Variants in NBPF3 observed in about 807,000 individuals in gnomAD.
NBPF3 encodes the protein NBPF family member NBPF3.
In NBPF3, 57 loss-of-function variants were observed where a neutral mutation model predicts 78.1. The observed-to-expected ratio is 0.73, with a 90% CI of 0.59 to 0.91. The LOEUF is 0.91. Among genes scored for constraint, NBPF3 ranks in the 40% least tolerant of loss-of-function variants. The probability of loss-of-function intolerance (pLI) is 0.00; values close to 1 mark genes in which losing one functional copy is unlikely to be tolerated. For missense variants in NBPF3, 510 were observed against 715.3 expected, an observed-to-expected ratio of 0.71 and a Z score of 3.27; for synonymous variants, 182 against 271.7, an observed-to-expected ratio of 0.67 and a Z score of 3.25.
At chr1:21,446,534 GCCTCCCTCCCACCCAC>G (rs1444097009) in intron 2 of NBPF3, 5 of 122,488 alleles carry the variant, frequency 4.1e-5, no homozygotes, top group Middle Eastern at 5.7e-3. Context: ...TTCTTTCCCT[GCCTCCCTCCCACCCAC>G]CCTCCCTCCC....
chr1:21,475,149 C>A (rs1282935085), intron 8 of NBPF3, among the ~76,000 whole-genome samples, 198 bp downstream of exon 8: 1 of 152,176 alleles, frequency 6.6e-6, no homozygotes, highest in Non-Finnish European at 1.5e-5. Context: ...TAGGAACTTG[C>A]AATCAGATGA....
chr1:21,479,820 CTGTGTGTGTG>C (rs59451117), intron 10 of NBPF3, among the ~76,000 whole-genome samples: 6 of 102,808 alleles, frequency 5.8e-5, no homozygotes, highest in East Asian at 3.2e-4. Flanking sequence ...CTCTCTCTCT[CTGTGTGTGTG>C]TGTGTGTGTG....
At chr1:21,436,827 C>A (rs965619336), upstream of NBPF3, 2 of 914,954 alleles carry the variant, frequency 2.2e-6, no homozygotes, top group African/African-American at 1.8e-5. The surrounding 1 kb of genome is among the most constrained non-coding windows in gnomAD (Gnocchi z 4.3). Context: ...GGGGCTTGAG[C>A]GTTCTGGGTG....
intron 2 of NBPF3, among the ~76,000 whole-genome samples, chr1:21,447,066 G>T (rs1641031037): frequency 1.3e-5 from 2 of 152,194 alleles, no homozygotes; most frequent in Non-Finnish European, 2.9e-5. Context: ...CCAAAACCTT[G>T]ATATGGGGCT....
At chr1:21,436,897 G>GT, upstream of NBPF3, 1 of 449,482 alleles carries the variant, frequency 2.2e-6, no homozygotes, top group Non-Finnish European at 3.7e-6. The surrounding 1 kb of genome is among the most constrained non-coding windows in gnomAD (Gnocchi z 4.3). Flanking sequence ...GACGGGTCCG[G>GT]GGAGGTCCGG....
chr1:21,443,730 C>CA, intron 1 of NBPF3, among the ~76,000 whole-genome samples: 1 of 152,156 alleles, frequency 6.6e-6, no homozygotes, highest in African/African-American at 2.4e-5. Context: ...CCTCCCACCT[C>CA]AGCCTCCTTA....
intron 6 of NBPF3, 84 bp downstream of exon 6, chr1:21,472,999 T>C (rs1642686686): frequency 6.0e-6 from 6 of 1,008,110 alleles, no homozygotes; most frequent in South Asian, 1.3e-5. Flanking sequence ...GCATCTATGA[T>C]GGGCCGAAAG....
Position 21,445,184 on chromosome 1 carries a change from G to A in NBPF3, c.98G>A (p.Gly33Asp). 1 of 1,611,886 alleles carries A rather than the reference G, an allele frequency of 6.2e-7. No homozygotes were observed. Among genetic ancestry groups the A allele is most frequent in the South Asian group, 1.1e-5 (1 of 90,974 alleles). The change falls in exon 2 of 15, where the codon GGT (glycine) becomes GAT (aspartate). Residue 33 changes from glycine (G) to aspartate (D), a missense_variant. By Grantham distance (94) the Gly-to-Asp change is moderately conservative. This residue lies in a region of NBPF3 where 440 missense variants were observed against 478.2 expected (regional missense o/e 0.92). Transcript: ENST00000318249. Reference sequence around the variant, plus strand: ...GGTGCACCAAGAGCAGCCTCACATGGTGTGGGCCGACATCAAGAGCTGCGA... The same window carrying A: ...GGTGCACCAAGAGCAGCCTCACATGATGTGGGCCGACATCAAGAGCTGCGA... ...PFGAPRAASH[G>D]VGRHQELRDP...
chr1:21,459,851 C>G lies in NBPF3; in HGVS notation c.134-8837C>G, dbSNP rs546251269. On this transcript the variant is annotated intron_variant, in intron 2 of 14. Transcript: ENST00000318249. ...GCACGGTCAGTTCCCCATCCTGCAGCAGTGAGTCCAGGACCACAGTACATT... is the reference window on the plus strand; with the variant it reads ...GCACGGTCAGTTCCCCATCCTGCAGGAGTGAGTCCAGGACCACAGTACATT... The G allele has an allele frequency of 8.3e-5, 22 of 264,784 alleles. 1 individual carries two copies. The South Asian group carries it at 1.1e-3, about 13-fold the overall frequency. The allele number at this position is 264,784 out of a possible 1,614,324, so 16.4% of individuals were successfully genotyped here.
rs1642722397 is a variant in NBPF3, at chr1:21,473,513, G to A, written c.868G>A (p.Asp290Asn). 5 of 1,614,058 alleles carry A rather than the reference G, an allele frequency of 3.1e-6. No homozygotes were observed. Among genetic ancestry groups the A allele is most frequent in the Non-Finnish European group, 4.2e-6 (5 of 1,180,036 alleles). Residue 290 changes from aspartate to asparagine, a missense_variant, in exon 7 of 15, where the codon GAC (aspartate) becomes AAC (asparagine). By Grantham distance (23) the Asp-to-Asn change is conservative. This residue lies in a region of NBPF3 where 440 missense variants were observed against 478.2 expected (regional missense o/e 0.92). Transcript: ENST00000318249. ...GAACACCAGAATCACATTTGAGGAA[G>A]ACCAAGTCGACTCAACTCTCATTGA... is the stretch of plus-strand genomic sequence containing the variant. Reference protein sequence around the residue: ...YGNTRITFEEDQVDSTLIDSS... With the variant: ...YGNTRITFEENQVDSTLIDSS...
chr1:21,478,199 G>A lies in NBPF3; in HGVS notation c.1048G>A (p.Asp350Asn), dbSNP rs766411456. The A allele has an allele frequency of 2.5e-6, 4 of 1,614,168 alleles. No individual in the cohort carries two copies. The highest frequency in any genetic ancestry group is 3.4e-6 in the Non-Finnish European group (4 of 1,180,028). The change falls in exon 9 of 15, where the codon GAT becomes AAT. Residue 350 changes from aspartate to asparagine, a missense_variant. Physicochemically the swap from Asp to Asn is conservative, Grantham distance 23. This residue lies in a region of NBPF3 where 440 missense variants were observed against 478.2 expected (regional missense o/e 0.92). Transcript: ENST00000318249. ...EAPQESWDEGDWTLSIPPDMS... is the reference protein window; with the variant it reads ...EAPQESWDEGNWTLSIPPDMS... Reference sequence around the variant, plus strand: ...CCCCCAGGAGTCCTGGGATGAAGGTGATTGGACTCTCTCAATTCCTCCTGA... The same window carrying A: ...CCCCCAGGAGTCCTGGGATGAAGGTAATTGGACTCTCTCAATTCCTCCTGA...
chr1:21,451,141 A>G (rs922969409), intron 2 of NBPF3, among the ~76,000 whole-genome samples: 4 of 152,166 alleles, frequency 2.6e-5, no homozygotes, highest in African/African-American at 9.7e-5. Context: ...TTTGAGATTC[A>G]TCCATGTTGT....
At chr1:21,438,739 G>A (rs1389373902), upstream of NBPF3, among the ~76,000 whole-genome samples, 1 of 151,930 alleles carries the variant, frequency 6.6e-6, no homozygotes, top group Non-Finnish European at 1.5e-5. Context: ...GACCTGCACA[G>A]TCACGTGGCT....
intron 2 of NBPF3, among the ~76,000 whole-genome samples, chr1:21,463,961 A>G (rs1003415073): frequency 5.9e-5 from 9 of 152,264 alleles, no homozygotes; most frequent in Non-Finnish European, 1.2e-4. Context: ...CACATGTTTC[A>G]AAAGTGATGG....
At position 21,445,230 on chromosome 1, in the gene NBPF3, CGAG is replaced by C; in HGVS notation, c.133+13_133+15del. ...TGCGAGATCCAACAGGTAAAAATCCCGAGGCATTGCCAGCTCGGTGGGGTCAGA... is the reference window on the plus strand; with the variant it reads ...TGCGAGATCCAACAGGTAAAAATCCCGCATTGCCAGCTCGGTGGGGTCAGA... On this transcript the variant is annotated intron_variant, in intron 2 of 14. Coordinates refer to ENST00000318249, the MANE Select transcript of NBPF3 (RefSeq NM_032264.6). 6.2e-7 allele frequency: 1 copy of C among 1,610,456 alleles called. No homozygotes were observed. Among genetic ancestry groups the C allele is most frequent in the Non-Finnish European group, 8.5e-7 (1 of 1,178,716 alleles).
intron 5 of NBPF3, among the ~76,000 whole-genome samples, chr1:21,472,325 T>C (rs891940880): frequency 2.0e-5 from 3 of 152,222 alleles, no homozygotes; most frequent in Admixed American, 6.5e-5. Context: ...AGGCACTTGA[T>C]GTGGGGGCAT....
chr1:21,466,501 A>T (rs548967022), intron 2 of NBPF3, among the ~76,000 whole-genome samples: 1 of 152,418 alleles, frequency 6.6e-6, no homozygotes, highest in South Asian at 2.1e-4. Context: ...AGAAGAGTGA[A>T]TTAAACACAG....
intron 2 of NBPF3, among the ~76,000 whole-genome samples, chr1:21,463,839 A>G (rs1322172897): frequency 1.3e-5 from 2 of 152,362 alleles, no homozygotes; most frequent in East Asian, 3.9e-4. Flanking sequence ...ATGGCCAAGA[A>G]GCACATGCAA....
chr1:21,475,283 G>A (rs1237597991), intron 8 of NBPF3, among the ~76,000 whole-genome samples: 1 of 152,156 alleles, frequency 6.6e-6, no homozygotes, highest in Non-Finnish European at 1.5e-5. Flanking sequence ...TCTGATCTTA[G>A]TTATTTCTTG....
Sources: gnomAD v4.1 joint callset for allele counts (sites outside exome capture counted in the v4.1 genomes callset) on GRCh38, gnomAD v4.1.1 for gene constraint, gnomAD v4.1.1 regional missense constraint, Gnocchi (gnomAD v3.1) non-coding constraint, MANE v1.5 for transcripts, NCBI Gene and HGNC (gene_info 2026-07-23, HGNC 2026-07-21) for gene names.